Variants in RBPMS observed in about 807,000 individuals in gnomAD.
RBPMS encodes the protein RNA-binding protein with multiple splicing.
A neutral mutation model predicts 26.8 loss-of-function variants in RBPMS; 7 were observed. The ratio of observed to expected loss-of-function variants is 0.26; its 90% CI spans 0.15 to 0.49. The LOEUF (loss-of-function observed/expected upper bound fraction) is 0.49, where lower values mean the gene tolerates loss of function less well. Ranked by LOEUF, RBPMS falls within the 20% of genes least tolerant of loss-of-function variation. RBPMS has a pLI of 0.98. For synonymous variants in RBPMS, 96 were observed against 93.3 expected, an observed-to-expected ratio of 1.03 and a Z score of -0.17; for missense variants, 186 against 250.0, an observed-to-expected ratio of 0.74 and a Z score of 1.73.
At chr8:30,459,734 T>G (rs181617923) in intron 1 of RBPMS, among the ~76,000 whole-genome samples, 11 of 152,342 alleles carry the variant, frequency 7.2e-5, no homozygotes, top group Non-Finnish European at 1.2e-4. Flanking sequence ...ACTCCTCAAT[T>G]TAATGGTCTT....
At position 30,527,216 on chromosome 8, in the gene RBPMS, G is replaced by A. The variant is rs191234995; in HGVS notation, c.398-17278G>A. Among the ~76,000 whole-genome samples the A allele has an allele frequency of 2.0e-5, 3 of 152,190 alleles. No individual in the cohort carries two copies. The East Asian group carries it at 5.8e-4, about 29-fold the overall frequency. ...TGAGTTACTGTAAACCCTCAGACACGCTACTCATTCTATATTTGTAGCAGG... is the reference window on the plus strand; with the variant it reads ...TGAGTTACTGTAAACCCTCAGACACACTACTCATTCTATATTTGTAGCAGG... On this transcript the variant is annotated intron_variant, in intron 5 of 8. Coordinates refer to ENST00000397323, the MANE Select transcript of RBPMS (RefSeq NM_001008710.3).
chr8:30,504,174 G>C, intron 4 of RBPMS, 112 bp from the exon 5 acceptor site: 1 of 1,071,130 alleles, frequency 9.3e-7, no homozygotes, highest in Non-Finnish European at 1.4e-6. Flanking sequence ...GAGAGTGGTT[G>C]CTGACCTTTT....
At position 30,555,895 on chromosome 8, in the gene RBPMS, G is replaced by C. The variant is rs1168261519; in HGVS notation, c.529-2992G>C. ...TTACCCCCACACAGTGATTAGCGCG[G>C]AGCAGCTTGTTCCCCCCCACCGGGC... is the stretch of plus-strand genomic sequence containing the variant. On this transcript the variant is annotated intron_variant, in intron 6 of 8. Coordinates refer to ENST00000397323, the MANE Select transcript of RBPMS (RefSeq NM_001008710.3). 4.1e-6 allele frequency: 4 copies of C among 985,332 alleles called. No homozygotes were observed. In the African/African-American group the frequency reaches 7.0e-5, roughly 17 times the overall value. 61.0% of individuals were successfully genotyped at this position (985,332 alleles called of 1,614,324 possible).
intron 1 of RBPMS, among the ~76,000 whole-genome samples, chr8:30,413,147 T>C (rs558773820): frequency 1.5e-4 from 23 of 152,110 alleles, no homozygotes; most frequent in African/African-American, 5.1e-4. Context: ...GGCACCATCT[T>C]GGCTCACTGC....
At chr8:30,458,464 G>A (rs576567028) in intron 1 of RBPMS, among the ~76,000 whole-genome samples, 2 of 152,164 alleles carry the variant, frequency 1.3e-5, no homozygotes, top group South Asian at 4.2e-4. Context: ...GTCCAAGATT[G>A]CTCAGCTAAT....
intron 5 of RBPMS, among the ~76,000 whole-genome samples, chr8:30,532,199 G>C (rs1484625190): frequency 6.6e-6 from 1 of 152,118 alleles, no homozygotes; most frequent in African/African-American, 2.4e-5. Context: ...GAAGAATGAG[G>C]AAGAAACAGT....
At chr8:30,455,497 G>T (rs1815091979) in intron 1 of RBPMS, among the ~76,000 whole-genome samples, 2 of 152,288 alleles carry the variant, frequency 1.3e-5, no homozygotes, top group Middle Eastern at 3.4e-3. Context: ...AAGAGAAAAA[G>T]AATTGGGGCA....
At chr8:30,419,272 C>G (rs902674850) in intron 1 of RBPMS, among the ~76,000 whole-genome samples, 1 of 152,040 alleles carries the variant, frequency 6.6e-6, no homozygotes, top group Non-Finnish European at 1.5e-5. Flanking sequence ...ATGGCGAAAC[C>G]CCATCTCTAT....
chr8:30,547,554 A>G, intron 6 of RBPMS: 1 of 1,380,214 alleles, frequency 7.2e-7, no homozygotes, highest in East Asian at 2.4e-5. Context: ...TTTCATGGTG[A>G]TGCAATTTTG....
intron 6 of RBPMS, chr8:30,556,538 C>A: frequency 1.0e-6 from 1 of 986,580 alleles, no homozygotes; most frequent in South Asian, 4.7e-5. Flanking sequence ...GAAACACCGT[C>A]ACGTCTTGGC....
intron 1 of RBPMS, among the ~76,000 whole-genome samples, chr8:30,426,489 TC>T (rs1269691344): frequency 1.3e-5 from 2 of 152,180 alleles, no homozygotes; most frequent in Non-Finnish European, 2.9e-5. Context: ...TATCGGCAGA[TC>T]ATGAACATTT....
At chr8:30,425,300 A>G (rs1811230094) in intron 1 of RBPMS, among the ~76,000 whole-genome samples, 2 of 152,216 alleles carry the variant, frequency 1.3e-5, no homozygotes, top group South Asian at 4.1e-4. Flanking sequence ...AGCTAAGGCT[A>G]GGTTCCTTAA....
intron 2 of RBPMS, among the ~76,000 whole-genome samples, chr8:30,476,779 C>G (rs1817745112): frequency 6.6e-6 from 1 of 152,096 alleles, no homozygotes; most frequent in Non-Finnish European, 1.5e-5. Flanking sequence ...AAGCCACCAG[C>G]TATTGATTAT....
intron 1 of RBPMS, among the ~76,000 whole-genome samples, chr8:30,422,571 G>A (rs1810919254): frequency 6.6e-6 from 1 of 152,168 alleles, no homozygotes; most frequent in Non-Finnish European, 1.5e-5. Flanking sequence ...CACCTGGCCT[G>A]CTGTTATTTT....
Position 30,497,607 on chromosome 8 carries a change from G to C in RBPMS, c.247-6679G>C, listed in dbSNP as rs532576756. 1.5e-4 allele frequency among the ~76,000 whole-genome samples: 23 copies of C among 151,638 alleles called. 1 individual carries two copies. In the South Asian group the frequency reaches 4.6e-3, roughly 30 times the overall value. On this transcript the variant is annotated intron_variant, in intron 4 of 8. Coordinates refer to ENST00000397323, the MANE Select transcript of RBPMS (RefSeq NM_001008710.3). Reference sequence around the variant, plus strand: ...CTCTCTCTAGAAAATGGTTTTTTTTGTTGTTGTTTTGTTTTGTTTGTTTGT... The same window carrying C: ...CTCTCTCTAGAAAATGGTTTTTTTTCTTGTTGTTTTGTTTTGTTTGTTTGT...
intron 1 of RBPMS, among the ~76,000 whole-genome samples, chr8:30,421,697 C>T (rs926475656): frequency 3.9e-5 from 6 of 152,204 alleles, no homozygotes; most frequent in Non-Finnish European, 8.8e-5. Context: ...TGGCTCATGC[C>T]TGTAATCCCA....
chr8:30,434,776 AACACACAC>A (rs33991199), intron 1 of RBPMS, among the ~76,000 whole-genome samples: 13 of 147,526 alleles, frequency 8.8e-5, no homozygotes, highest in East Asian at 4.0e-4. Flanking sequence ...ATTCCCATAT[AACACACAC>A]ACACACACAC....
intron 1 of RBPMS, among the ~76,000 whole-genome samples, chr8:30,386,324 T>G (rs1364323455): frequency 2.0e-5 from 3 of 152,208 alleles, no homozygotes; most frequent in Non-Finnish European, 4.4e-5. Flanking sequence ...CTCTGCACAT[T>G]GTCCACTTGG....
chr8:30,544,160 G>T (rs1200248347), intron 5 of RBPMS, among the ~76,000 whole-genome samples: 1 of 152,166 alleles, frequency 6.6e-6, no homozygotes, highest in African/African-American at 2.4e-5. Flanking sequence ...TTCCTCAGAG[G>T]GTCGCATTTC....
Sources: gnomAD v4.1 joint callset for allele counts (sites outside exome capture counted in the v4.1 genomes callset) on GRCh38, gnomAD v4.1.1 for gene constraint, MANE v1.5 for transcripts, NCBI Gene and HGNC (gene_info 2026-07-23, HGNC 2026-07-21) for gene names.